MON2: variants seen among roughly 807,000 people sequenced by gnomAD.
MON2 encodes protein MON2 homolog.
In MON2, 84 loss-of-function variants were observed where a neutral mutation model predicts 208.6. The ratio of observed to expected loss-of-function variants is 0.40; its 90% CI spans 0.34 to 0.48. MON2 has a LOEUF of 0.48. MON2 is among the 20% of genes least tolerant of loss of function. The pLI, the probability that MON2 is intolerant of heterozygous loss-of-function variation, is 0.59. For missense variants in MON2, 1,611 were observed against 2,015.4 expected, an observed-to-expected ratio of 0.80 and a Z score of 3.84; for synonymous variants, 660 against 694.0, an observed-to-expected ratio of 0.95 and a Z score of 0.77.
chr12:62,485,613 A>C (rs543268448), intron 2 of MON2, among the ~76,000 whole-genome samples: 6 of 152,364 alleles, frequency 3.9e-5, no homozygotes, highest in African/African-American at 1.4e-4. Flanking sequence ...CTCTGTGTGC[A>C]TATTGAGAAG....
At chr12:62,587,611 C>G (rs1052197235) in intron 33 of MON2, among the ~76,000 whole-genome samples, 1 of 151,838 alleles carries the variant, frequency 6.6e-6, no homozygotes, top group African/African-American at 2.4e-5. Context: ...GACAATGTGG[C>G]ATGCCCCTGT....
intron 11 of MON2, among the ~76,000 whole-genome samples, chr12:62,528,402 A>G (rs1469165908): frequency 1.3e-5 from 2 of 152,214 alleles, no homozygotes; most frequent in African/African-American, 4.8e-5. Flanking sequence ...TTATTACACT[A>G]CAGATCCCTT....
rs532807895 is a variant in MON2 at position 62,497,493 on chromosome 12, A to G, written c.436-1426A>G. ...AATAGTATTATGCTTCCATTAGAAT[A>G]GTTACGATGAAAAAAGACCGTACCA... is the stretch of plus-strand genomic sequence containing the variant. On this transcript the variant is annotated intron_variant, in intron 4 of 34. Coordinates refer to ENST00000393630, the MANE Select transcript of MON2 (RefSeq NM_015026.3). Among the ~76,000 whole-genome samples the G allele has an allele frequency of 2.6e-5, 4 of 152,348 alleles. No individual in the cohort carries two copies. In the South Asian group the frequency reaches 6.2e-4, roughly 24 times the overall value.
intron 8 of MON2, among the ~76,000 whole-genome samples, chr12:62,510,608 A>T (rs1037127816): frequency 6.6e-6 from 1 of 152,190 alleles, no homozygotes; most frequent in African/African-American, 2.4e-5. Flanking sequence ...AAAACACTCA[A>T]CAAACTAGGA....
chr12:62,469,117 T>G (rs2068661330), intron 1 of MON2, among the ~76,000 whole-genome samples: 2 of 5,744 alleles, frequency 3.5e-4, no homozygotes, highest in Non-Finnish European at 7.8e-4. Flanking sequence ...TTTTTCGCCT[T>G]TTTTTTTTTT....
chr12:62,540,406 T>C (rs781418610), intron 19 of MON2, among the ~76,000 whole-genome samples: 7 of 152,152 alleles, frequency 4.6e-5, no homozygotes, highest in Non-Finnish European at 8.8e-5. Flanking sequence ...TTAAGATGAA[T>C]TAAGATTAAT....
chr12:62,532,649 G>A lies in MON2; in HGVS notation c.1612G>A (p.Asp538Asn). Residue 538 changes from aspartate to asparagine, a missense_variant, in exon 12 of 35, where the codon GAC becomes AAC. By Grantham distance (23) the Asp-to-Asn change is conservative. Transcript: ENST00000393630. ...TEQQDLQSTSDQMDKEIVSRA... is the reference protein window; with the variant it reads ...TEQQDLQSTSNQMDKEIVSRA... ...ACAGCAGGATTTACAGTCAACATCA[G>A]ACCAAATGGATAAGGAAATTGGTAT... The A allele has an allele frequency of 6.2e-7, 1 of 1,611,730 alleles. No individual in the cohort carries two copies. Among genetic ancestry groups the A allele is most frequent in the Non-Finnish European group, 8.5e-7 (1 of 1,177,904 alleles).
intron 7 of MON2, among the ~76,000 whole-genome samples, chr12:62,503,484 C>T (rs2070944047): frequency 6.6e-6 from 1 of 152,100 alleles, no homozygotes; most frequent in African/African-American, 2.4e-5. Flanking sequence ...ATACTTGTAC[C>T]ACTTACTATA....
rs190987572 is a variant in MON2, at chr12:62,511,727, A to G, written c.984+3247A>G. 2.7e-4 allele frequency among the ~76,000 whole-genome samples: 41 copies of G among 152,374 alleles called. No homozygotes were observed. The East Asian group carries it at 7.5e-3, about 28-fold the overall frequency. ...ACAGTGATTTCCTGACTGTGATACT[A>G]AAAGCACAGGCAACAAAAGCAACAA... On this transcript the variant is annotated intron_variant, in intron 8 of 34. Coordinates refer to ENST00000393630, the MANE Select transcript of MON2 (RefSeq NM_015026.3).
In MON2 at chr12:62,543,139, T is replaced by A. The variant is rs1259743677; in HGVS notation, c.2407T>A (p.Leu803Ile). The A allele has an allele frequency of 6.3e-7, 1 of 1,579,620 alleles. No homozygotes were observed. Among genetic ancestry groups the A allele is most frequent in the Non-Finnish European group, 8.6e-7 (1 of 1,167,454 alleles). The stretch of plus-strand genomic sequence containing the variant: ...TGTTGCCAAATTGTTAGAAACTGGT[T>A]TAGTTAATATGCACCGAATAGAAAT... The part of the protein sequence containing the change: ...FAVAKLLETG[L>I]VNMHRIEILW... The change falls in exon 20 of 35, where the codon TTA becomes ATA. Residue 803 changes from leucine to isoleucine, a missense_variant. Transcript: ENST00000393630.
intron 34 of MON2, among the ~76,000 whole-genome samples, chr12:62,589,381 A>T (rs2075321048): frequency 6.6e-6 from 1 of 152,242 alleles, no homozygotes; most frequent in Non-Finnish European, 1.5e-5. Flanking sequence ...TTACTAATGA[A>T]TGAGTTGTAG....
intron 19 of MON2, among the ~76,000 whole-genome samples, chr12:62,542,799 CCTTCTGGTTGGAAGA>C (rs1217923760): frequency 2.0e-5 from 3 of 152,142 alleles, no homozygotes; most frequent in Non-Finnish European, 4.4e-5. Context: ...ATGCTTCTTT[CCTTCTGGTTGGAAGA>C]CTAGCCATTC....
chr12:62,485,605 C>G (rs1267717796), intron 2 of MON2, among the ~76,000 whole-genome samples: 4 of 152,154 alleles, frequency 2.6e-5, no homozygotes, highest in African/African-American at 7.2e-5. Flanking sequence ...AAATAATGCT[C>G]TGTGTGCATA....
At chr12:62,498,856 C>G (rs1479343438) in intron 4 of MON2, 63 bp from the exon 5 acceptor site, 21 of 1,474,678 alleles carry the variant, frequency 1.4e-5, no homozygotes, top group Non-Finnish European at 1.9e-5. Flanking sequence ...ATAAATTATT[C>G]AATAAAGATA....
At chr12:62,478,107 C>G (rs1161253712) in intron 1 of MON2, among the ~76,000 whole-genome samples, 1 of 149,528 alleles carries the variant, frequency 6.7e-6, no homozygotes, top group African/African-American at 2.5e-5. Flanking sequence ...AGAATTGGCA[C>G]TTGTAGATAT....
At chr12:62,588,978 T>G in intron 34 of MON2, 1 of 1,070,820 alleles carries the variant, frequency 9.3e-7, no homozygotes, top group Non-Finnish European at 1.3e-6. Context: ...CTCGAAGCAC[T>G]CTATTTGTAT....
In MON2 at chr12:62,597,407, C is replaced by T. The variant is rs184721348; in HGVS notation, c.*4658C>T. On this transcript the variant is annotated 3_prime_UTR_variant, in exon 35 of 35. Coordinates refer to ENST00000393630, the MANE Select transcript of MON2 (RefSeq NM_015026.3). ...GGAGCTGTTAGTGGTAGAACCACTG[C>T]TCATGGTTCTACCACTACAAAGTGG... The T allele has an allele frequency of 2.0e-5, 3 of 152,140 alleles. No individual in the cohort carries two copies. The highest frequency in any genetic ancestry group is 6.5e-5 in the Admixed American group (1 of 15,276). The allele number at this position is 152,140 out of a possible 1,614,324, so 9.4% of individuals were successfully genotyped here.
chr12:62,576,428 A>C (rs1430174644), intron 30 of MON2, among the ~76,000 whole-genome samples: 1 of 152,110 alleles, frequency 6.6e-6, no homozygotes, highest in Non-Finnish European at 1.5e-5. Context: ...ATACTAAGGA[A>C]CACTAAATTG....
At position 62,526,058 on chromosome 12, in the gene MON2, A is replaced by G. The variant is rs201932585; in HGVS notation, c.1356A>G (p.Ile452Met). 10 of 1,613,754 alleles carry G rather than the reference A, an allele frequency of 6.2e-6. No individual in the cohort carries two copies. The highest frequency in any genetic ancestry group is 1.7e-5 in the Admixed American group (1 of 59,984). The change falls in exon 11 of 35, where the codon ATA (isoleucine) becomes ATG (methionine). Residue 452 changes from isoleucine (I) to methionine (M), a missense_variant. Physicochemically the swap from Ile to Met is conservative, Grantham distance 10. Coordinates refer to ENST00000393630, the MANE Select transcript of MON2 (RefSeq NM_015026.3). The part of the protein sequence containing the change: ...LPAFEYRGTW[I>M]PILTITVQGS... Reference sequence around the variant, plus strand: ...CATTTGAATATAGGGGAACCTGGATACCTATTCTGACAATCACAGTTCAAG... The same window carrying G: ...CATTTGAATATAGGGGAACCTGGATGCCTATTCTGACAATCACAGTTCAAG...
Sources: allele counts gnomAD v4.1 joint callset (sites outside exome capture counted in the v4.1 genomes callset), GRCh38; gene constraint gnomAD v4.1.1; transcripts MANE v1.5; gene names NCBI Gene and HGNC (gene_info 2026-07-23, HGNC 2026-07-21).